Variants in SLC24A2 observed in about 807,000 individuals in gnomAD.
SLC24A2 encodes sodium/potassium/calcium exchanger 2.
SLC24A2 carries 36 observed loss-of-function variants against 62.0 expected under a neutral mutation model. The observed-to-expected ratio is 0.58, with a 90% CI of 0.44 to 0.77. The LOEUF is 0.77. SLC24A2 is among the 30% of genes least tolerant of loss of function. The probability of loss-of-function intolerance (pLI) is 0.00; values close to 1 mark genes in which losing one functional copy is unlikely to be tolerated. For synonymous variants in SLC24A2, 358 were observed against 294.0 expected (o/e 1.22, Z -2.23); for missense variants, 846 against 817.9 (o/e 1.03, Z -0.42).
the SLC24A2 span, among the ~76,000 whole-genome samples, chr9:20,264,882 T>A: frequency 6.6e-6 from 1 of 152,214 alleles, no homozygotes; most frequent in Non-Finnish European, 1.5e-5. Flanking sequence ...AGTTCTAAAA[T>A]GTGTAATCTC....
chr9:20,018,332 C>G, the SLC24A2 span, among the ~76,000 whole-genome samples: 3 of 152,200 alleles, frequency 2.0e-5, no homozygotes, highest in Admixed American at 1.3e-4. Flanking sequence ...TGTTATCTAT[C>G]TCAATCTTTC....
At chr9:19,720,109 A>G (rs921594797) in intron 2 of SLC24A2, among the ~76,000 whole-genome samples, 1 of 152,238 alleles carries the variant, frequency 6.6e-6, no homozygotes, top group Non-Finnish European at 1.5e-5. Context: ...TTGGTGCACA[A>G]GTAATTGTGG....
the SLC24A2 span, among the ~76,000 whole-genome samples, chr9:19,900,924 T>G: frequency 6.6e-6 from 1 of 152,274 alleles, no homozygotes; most frequent in South Asian, 2.1e-4. Flanking sequence ...ATATCACAGG[T>G]AGACAACAAA....
the SLC24A2 span, among the ~76,000 whole-genome samples, chr9:20,169,073 A>G: frequency 7.2e-5 from 11 of 152,060 alleles, no homozygotes; most frequent in Admixed American, 6.6e-4. Flanking sequence ...CATTGAAAAT[A>G]TAGTATAAGT....
chr9:19,780,555 C>A (rs1003245586), intron 2 of SLC24A2, among the ~76,000 whole-genome samples: 3 of 151,350 alleles, frequency 2.0e-5, no homozygotes, highest in Non-Finnish European at 2.9e-5. Context: ...TGTGAGCCAC[C>A]GCGCCCGGCC....
the SLC24A2 span, among the ~76,000 whole-genome samples, chr9:20,261,693 A>G: frequency 2.6e-5 from 4 of 151,426 alleles, no homozygotes; most frequent in East Asian, 7.8e-4. Flanking sequence ...CTGGTAAAGT[A>G]AAGCCTGGCC....
chr9:20,158,460 C>G, the SLC24A2 span, among the ~76,000 whole-genome samples: 2 of 151,560 alleles, frequency 1.3e-5, no homozygotes, highest in African/African-American at 4.8e-5. Context: ...ACGCCTTATG[C>G]CATTTGAGGA....
the SLC24A2 span, among the ~76,000 whole-genome samples, chr9:20,228,821 G>A: frequency 6.6e-6 from 1 of 152,256 alleles, no homozygotes; most frequent in South Asian, 2.1e-4. Flanking sequence ...GGAGCTCCCA[G>A]CTGAGGAAGG....
chr9:19,556,353 A>C (rs2132773950), intron 7 of SLC24A2, among the ~76,000 whole-genome samples: 1 of 152,298 alleles, frequency 6.6e-6, no homozygotes, highest in Non-Finnish European at 1.5e-5. Flanking sequence ...AGCCAGAAAA[A>C]TATTTCTTGG....
At chr9:19,656,892 T>C (rs1564021196) in intron 2 of SLC24A2, among the ~76,000 whole-genome samples, 1 of 152,324 alleles carries the variant, frequency 6.6e-6, no homozygotes, top group Non-Finnish European at 1.5e-5. Flanking sequence ...CCTTCCATTG[T>C]GTCTGCCATC....
intron 2 of SLC24A2, among the ~76,000 whole-genome samples, chr9:19,720,617 CTGGAGTCT>C (rs1288912077): frequency 6.6e-6 from 1 of 151,640 alleles, no homozygotes; most frequent in African/African-American, 2.4e-5. Context: ...TTCCTCAATG[CTGGAGTCT>C]TGGAGTCTGT....
chr9:19,908,713 C>CA, the SLC24A2 span, among the ~76,000 whole-genome samples: 1 of 151,974 alleles, frequency 6.6e-6, no homozygotes, highest in African/African-American at 2.4e-5. Flanking sequence ...TTTATGCAGC[C>CA]AAAAAACACA....
rs1323786128 is a variant in SLC24A2, at chr9:19,753,479, G to A, written c.930+32458C>T. 2.6e-5 allele frequency among the ~76,000 whole-genome samples: 4 copies of A among 152,278 alleles called. No homozygotes were observed. The East Asian group carries it at 7.7e-4, about 29-fold the overall frequency. On this transcript the variant is annotated intron_variant, in intron 2 of 10. Transcript: ENST00000341998. ...TTTGTTCATTTTCATACAGTTGGGT[G>A]CTTATTAGTCAGACTGGCACAAAAC...
At chr9:19,820,028 C>CATATATATATACATATATATATAT in the SLC24A2 span, among the ~76,000 whole-genome samples, 2 of 54,584 alleles carry the variant, frequency 3.7e-5, no homozygotes, top group African/African-American at 6.5e-5. Flanking sequence ...TATATATACA[C>CATATATATATACATATATATATAT]ATATATATAT....
the SLC24A2 span, among the ~76,000 whole-genome samples, chr9:19,818,041 C>A: frequency 5.0e-3 from 756 of 152,270 alleles, 8 homozygotes; most frequent in Non-Finnish European, 6.6e-3. Context: ...AGCCACCACA[C>A]TAGCCTATAA....
the SLC24A2 span, among the ~76,000 whole-genome samples, chr9:20,127,935 T>G: frequency 2.0e-5 from 3 of 151,892 alleles, no homozygotes; most frequent in Non-Finnish European, 4.4e-5. Context: ...AATGAAGAAT[T>G]TTTTTTTAAG....
At chr9:19,904,837 T>G in the SLC24A2 span, among the ~76,000 whole-genome samples, 1 of 152,200 alleles carries the variant, frequency 6.6e-6, no homozygotes, top group Non-Finnish European at 1.5e-5. Flanking sequence ...TTTGCTTTTT[T>G]CTGCCCTGGG....
At chr9:19,553,004 C>T (rs1241242329) in intron 7 of SLC24A2, among the ~76,000 whole-genome samples, 1 of 152,192 alleles carries the variant, frequency 6.6e-6, no homozygotes, top group African/African-American at 2.4e-5. Flanking sequence ...GCTGTGCCAA[C>T]AGGGCTCTCC....
chr9:19,832,778 G>C, the SLC24A2 span, among the ~76,000 whole-genome samples: 1 of 152,130 alleles, frequency 6.6e-6, no homozygotes, highest in Non-Finnish European at 1.5e-5. Context: ...GCACAGAAAA[G>C]AAACTACCAT....
Sources: gnomAD v4.1 joint callset for allele counts (sites outside exome capture counted in the v4.1 genomes callset) on GRCh38, gnomAD v4.1.1 for gene constraint, MANE v1.5 for transcripts, NCBI Gene and HGNC (gene_info 2026-07-23, HGNC 2026-07-21) for gene names.